The following WASF3 variants were observed in gnomAD, a reference collection of about 807,000 sequenced individuals.
WASF3 encodes the protein WASP family member 3, also known as actin-binding protein WASF3.
A neutral mutation model predicts 46.6 loss-of-function variants in WASF3; 11 were observed. The ratio of observed to expected loss-of-function variants is 0.24; its 90% confidence interval spans 0.15 to 0.39. The LOEUF is 0.39. Among genes scored for constraint, WASF3 ranks in the 10% least tolerant of loss-of-function variants. The pLI is 1.00. For missense variants in WASF3, 576 were observed against 669.8 expected, an observed-to-expected ratio of 0.86 and a Z score of 1.55; for synonymous variants, 242 against 259.7, an observed-to-expected ratio of 0.93 and a Z score of 0.65.
At chr13:26,630,699 G>A (rs1881625487) in intron 2 of WASF3, among the ~76,000 whole-genome samples, 1 of 152,026 alleles carries the variant, frequency 6.6e-6, no homozygotes, top group Admixed American at 6.5e-5. Flanking sequence ...TGGGTCAAAT[G>A]CTATTTCTAG....
intron 1 of WASF3, 21 bp from the exon 2 acceptor site, chr13:26,612,940 T>C (rs915433673): frequency 1.3e-5 from 2 of 151,964 alleles, no homozygotes; most frequent in Non-Finnish European, 2.9e-5. Context: ...TGGTAATTAA[T>C]TTTTTTTCTT....
At chr13:26,645,070 A>G (rs1882110040) in intron 3 of WASF3, among the ~76,000 whole-genome samples, 1 of 152,220 alleles carries the variant, frequency 6.6e-6, no homozygotes, top group African/African-American at 2.4e-5. Flanking sequence ...TGGAAAACGA[A>G]GATAACTGAG....
intron 1 of WASF3, among the ~76,000 whole-genome samples, chr13:26,591,079 A>G (rs1880278557): frequency 6.6e-6 from 1 of 151,406 alleles, no homozygotes; most frequent in Non-Finnish European, 1.5e-5. Context: ...TAGCAAGTGC[A>G]AAGGTCTTGG....
At chr13:26,598,490 T>G (rs1880543489) in intron 1 of WASF3, among the ~76,000 whole-genome samples, 1 of 152,174 alleles carries the variant, frequency 6.6e-6, no homozygotes, top group South Asian at 2.1e-4. Flanking sequence ...TGCTGGACAT[T>G]AAGAACAAGA....
upstream of WASF3, among the ~76,000 whole-genome samples, chr13:26,553,565 C>A (rs1218782874): frequency 6.6e-6 from 1 of 152,034 alleles, no homozygotes. Flanking sequence ...CGCCTGTAAT[C>A]CTAGCACTTT....
chr13:26,579,953 A>T (rs932500427), intron 1 of WASF3, among the ~76,000 whole-genome samples: 1 of 152,232 alleles, frequency 6.6e-6, no homozygotes, highest in Non-Finnish European at 1.5e-5. Flanking sequence ...CTTTGAATGC[A>T]GCCCAACACA....
At position 26,632,018 on chromosome 13, in the gene WASF3, A is replaced by G. The variant is rs149978826; in HGVS notation, c.-10-10243A>G. ...GAATGCTTGTAATTTTTGCACGTTG[A>G]TTTTGTATCCTGAGACTTTGCTGAA... On this transcript the variant is annotated intron_variant, in intron 2 of 9. Transcript: ENST00000335327. Among the ~76,000 whole-genome samples, 1,521 of 152,256 alleles carry G rather than the reference A, an allele frequency of 1.0e-2. 20 individuals are homozygous for G. Among genetic ancestry groups the G allele is most frequent in the African/African-American group, 0.034 (1,430 of 41,530 alleles).
At chr13:26,657,159 A>G (rs1312592862) in intron 3 of WASF3, among the ~76,000 whole-genome samples, 2 of 152,344 alleles carry the variant, frequency 1.3e-5, no homozygotes, top group East Asian at 1.9e-4. Flanking sequence ...CAGAATTTCA[A>G]CAAAATCCCT....
Position 26,606,182 on chromosome 13 carries a change from CTT to C in WASF3, c.-108-6778_-108-6777del, listed in dbSNP as rs566045813. 1.6e-4 allele frequency among the ~76,000 whole-genome samples: 24 copies of C among 152,240 alleles called. No homozygotes were observed. The South Asian group carries it at 4.6e-3, about 29-fold the overall frequency. On this transcript the variant is annotated intron_variant, in intron 1 of 9. Transcript: ENST00000335327. ...AGTCTAATTTTTGTAGTTAGGGAAACTTAGGTTTAAATAAACTGCTCAGAGTT... is the reference window on the plus strand; with the variant it reads ...AGTCTAATTTTTGTAGTTAGGGAAACAGGTTTAAATAAACTGCTCAGAGTT...
chr13:26,618,803 T>C (rs944268122), intron 2 of WASF3: 4 of 152,206 alleles, frequency 2.6e-5, no homozygotes, highest in African/African-American at 9.7e-5. Context: ...TTTTATTAGA[T>C]ATAATTCTTT....
At chr13:26,654,385 C>T (rs1882407824) in intron 3 of WASF3, among the ~76,000 whole-genome samples, 1 of 152,204 alleles carries the variant, frequency 6.6e-6, no homozygotes, top group African/African-American at 2.4e-5. Context: ...CCACCACCCA[C>T]TTCCTTCCAC....
intron 2 of WASF3, among the ~76,000 whole-genome samples, chr13:26,634,299 AGGATTGCAACCCC>A (rs1566057865): frequency 6.6e-6 from 1 of 152,156 alleles, no homozygotes; most frequent in Non-Finnish European, 1.5e-5. Context: ...ATCAGAGACT[AGGATTGCAACCCC>A]TGTTTTCTTT....
At chr13:26,574,795 T>C (rs1464884698) in intron 1 of WASF3, among the ~76,000 whole-genome samples, 1 of 152,168 alleles carries the variant, frequency 6.6e-6, no homozygotes, top group Non-Finnish European at 1.5e-5. Context: ...GTTTTTCTTC[T>C]AATAGTACCA....
chr13:26,618,310 G>T (rs1156753373), intron 2 of WASF3, among the ~76,000 whole-genome samples: 1 of 152,076 alleles, frequency 6.6e-6, no homozygotes, highest in African/African-American at 2.4e-5. Context: ...TGATCATGCA[G>T]ATAACACCTG....
intron 3 of WASF3, among the ~76,000 whole-genome samples, chr13:26,642,975 A>G (rs1295068345): frequency 1.3e-5 from 2 of 152,216 alleles, no homozygotes; most frequent in African/African-American, 2.4e-5. Context: ...TATTTTATGT[A>G]TATGGTACCA....
At chr13:26,684,699 C>T (rs1883347560) in intron 9 of WASF3, among the ~76,000 whole-genome samples, 1 of 152,072 alleles carries the variant, frequency 6.6e-6, no homozygotes, top group African/African-American at 2.4e-5. Context: ...GCCATTCACT[C>T]TCAAATGGTC....
chr13:26,553,551 C>T (rs1879013747), upstream of WASF3, among the ~76,000 whole-genome samples: 1 of 152,100 alleles, frequency 6.6e-6, no homozygotes, highest in East Asian at 1.9e-4. Flanking sequence ...GGCACGGTGG[C>T]TCACGCCTGT....
At chr13:26,591,663 A>G (rs1288764637) in intron 1 of WASF3, among the ~76,000 whole-genome samples, 1 of 152,172 alleles carries the variant, frequency 6.6e-6, no homozygotes, top group East Asian at 1.9e-4. Flanking sequence ...CCACGTGAAG[A>G]CACTGAGTTA....
chr13:26,594,378 G>C (rs1017701192), intron 1 of WASF3, among the ~76,000 whole-genome samples: 1 of 152,168 alleles, frequency 6.6e-6, no homozygotes, highest in African/African-American at 2.4e-5. Flanking sequence ...TTGCTGTTCT[G>C]TTCCCTTTTG....
Sources: gnomAD v4.1 joint callset for allele counts (sites outside exome capture counted in the v4.1 genomes callset) on GRCh38, gnomAD v4.1.1 for gene constraint, MANE v1.5 for transcripts, NCBI Gene and HGNC (gene_info 2026-07-23, HGNC 2026-07-21) for gene names.